LRMDA: variants seen among roughly 807,000 people sequenced by gnomAD.
LRMDA encodes the protein leucine rich melanocyte differentiation associated.
Under a neutral mutation model 29.8 loss-of-function variants are expected in LRMDA, and 18 were observed. The ratio of observed to expected loss-of-function variants is 0.60; its 90% CI spans 0.42 to 0.90. The LOEUF is 0.90. Among genes scored for constraint, LRMDA ranks in the 40% least tolerant of loss-of-function variants. LRMDA has a pLI of 0.00. For missense variants in LRMDA, 273 were observed against 273.9 expected, an observed-to-expected ratio of 1.00 and a Z score of 0.02; for synonymous variants, 125 against 109.4, an observed-to-expected ratio of 1.14 and a Z score of -0.89.
At chr10:76,128,459 T>C (rs1012486974) in intron 5 of LRMDA, among the ~76,000 whole-genome samples, 5 of 152,136 alleles carry the variant, frequency 3.3e-5, no homozygotes, top group African/African-American at 1.2e-4. Context: ...CCCGTGCAAC[T>C]CTTGTCAACA....
intron 2 of LRMDA, among the ~76,000 whole-genome samples, chr10:75,807,386 A>T (rs553129282): frequency 5.9e-5 from 9 of 152,312 alleles, no homozygotes; most frequent in Admixed American, 4.6e-4. Context: ...ATGGGGCAGG[A>T]TGGCTCACAT....
chr10:76,106,349 T>C (rs1849484190), intron 5 of LRMDA, among the ~76,000 whole-genome samples: 1 of 152,198 alleles, frequency 6.6e-6, no homozygotes, highest in African/African-American at 2.4e-5. Flanking sequence ...GCTTAAAGTC[T>C]AACCTAACCC....
intron 2 of LRMDA, among the ~76,000 whole-genome samples, chr10:75,789,183 A>G (rs1004420839): frequency 1.3e-5 from 2 of 152,194 alleles, no homozygotes; most frequent in African/African-American, 2.4e-5. Flanking sequence ...GTAAGTGTCA[A>G]TGTTTTTTTC....
intron 2 of LRMDA, among the ~76,000 whole-genome samples, chr10:75,543,517 C>T (rs962174593): frequency 2.0e-5 from 3 of 152,090 alleles, no homozygotes; most frequent in Admixed American, 6.5e-5. Context: ...ACAAAACCCT[C>T]GTCCTATTTT....
chr10:76,363,271 GAAGGA>G (rs1274441004), intron 6 of LRMDA, among the ~76,000 whole-genome samples: 1,887 of 37,426 alleles, frequency 0.05, 373 homozygotes, highest in African/African-American at 0.15. Flanking sequence ...AGGAAGGAAG[GAAGGA>G]AAGGAAGGAA....
chr10:75,737,351 C>T (rs898581544), intron 2 of LRMDA, among the ~76,000 whole-genome samples: 2 of 152,210 alleles, frequency 1.3e-5, no homozygotes, highest in Non-Finnish European at 2.9e-5. Flanking sequence ...CCCTGGCATT[C>T]CCTGAGCCTT....
intron 2 of LRMDA, among the ~76,000 whole-genome samples, chr10:75,553,699 T>A (rs1840180508): frequency 6.6e-6 from 1 of 152,172 alleles, no homozygotes; most frequent in African/African-American, 2.4e-5. Context: ...CTATCTCTCC[T>A]TTAGTTAAAG....
intron 2 of LRMDA, among the ~76,000 whole-genome samples, chr10:75,509,766 C>T (rs1057504209): frequency 6.6e-6 from 1 of 152,196 alleles, no homozygotes; most frequent in African/African-American, 2.4e-5. Flanking sequence ...CTCAGTTTCT[C>T]TATCTGCAAA....
chr10:75,551,498 A>G (rs972792533), intron 2 of LRMDA, among the ~76,000 whole-genome samples: 3 of 141,436 alleles, frequency 2.1e-5, no homozygotes, highest in Middle Eastern at 3.4e-3. Context: ...CCCATCCCCC[A>G]ACAGGCCCCA....
intron 2 of LRMDA, among the ~76,000 whole-genome samples, chr10:75,751,269 A>G (rs1842965190): frequency 6.6e-6 from 1 of 151,704 alleles, no homozygotes. Context: ...GCGGCAGCAC[A>G]GTCCAGCCTC....
At chr10:76,238,445 T>C (rs1852201752) in intron 5 of LRMDA, among the ~76,000 whole-genome samples, 1 of 152,136 alleles carries the variant, frequency 6.6e-6, no homozygotes, top group African/African-American at 2.4e-5. Context: ...CCAGACTCTG[T>C]TGCCCTTACA....
chr10:75,712,817 A>G (rs985553900), intron 2 of LRMDA, among the ~76,000 whole-genome samples: 6 of 138,790 alleles, frequency 4.3e-5, no homozygotes, highest in African/African-American at 1.4e-4. Flanking sequence ...CAGCCCCCCA[A>G]CTACATTCAC....
At chr10:75,620,098 T>G (rs1654710666) in intron 2 of LRMDA, among the ~76,000 whole-genome samples, 1 of 152,084 alleles carries the variant, frequency 6.6e-6, no homozygotes, top group African/African-American at 2.4e-5. Flanking sequence ...CCCTCCAAAA[T>G]GCACAGCCTG....
chr10:76,199,507 T>C (rs1851390093), intron 5 of LRMDA, among the ~76,000 whole-genome samples: 1 of 152,178 alleles, frequency 6.6e-6, no homozygotes, highest in African/African-American at 2.4e-5. Context: ...ACCACAGGCA[T>C]TTACTTGTAT....
At chr10:75,820,696 A>T (rs1055758161) in intron 2 of LRMDA, among the ~76,000 whole-genome samples, 4 of 152,222 alleles carry the variant, frequency 2.6e-5, no homozygotes, top group African/African-American at 9.6e-5. Flanking sequence ...ATTAAGACCA[A>T]AAAAGCCACT....
At chr10:76,435,023 C>T (rs915166038) in intron 6 of LRMDA, among the ~76,000 whole-genome samples, 2 of 152,094 alleles carry the variant, frequency 1.3e-5, no homozygotes, top group African/African-American at 2.4e-5. Flanking sequence ...ATTATCCTTC[C>T]CTCCCACCCT....
chr10:76,105,830 T>C (rs1247044025), intron 5 of LRMDA, among the ~76,000 whole-genome samples: 1 of 152,200 alleles, frequency 6.6e-6, no homozygotes, highest in Non-Finnish European at 1.5e-5. Context: ...CACTGCAACC[T>C]CTGCCTCCCC....
intron 6 of LRMDA, among the ~76,000 whole-genome samples, chr10:76,548,502 C>CT (rs1843449682): frequency 2.0e-5 from 3 of 150,478 alleles, no homozygotes; most frequent in African/African-American, 7.3e-5. Flanking sequence ...ATTTGGACTG[C>CT]TAAGAAGATT....
At chr10:76,547,958 A>C (rs577895113) in intron 6 of LRMDA, among the ~76,000 whole-genome samples, 1 of 152,190 alleles carries the variant, frequency 6.6e-6, no homozygotes, top group South Asian at 2.1e-4. Flanking sequence ...GTTTCTCTCT[A>C]AGAAAAAGCA....
Sources: gnomAD v4.1 joint callset for allele counts (sites outside exome capture counted in the v4.1 genomes callset) on GRCh38, gnomAD v4.1.1 for gene constraint, MANE v1.5 for transcripts, NCBI Gene and HGNC (gene_info 2026-07-23, HGNC 2026-07-21) for gene names.